TPM4: variants seen among roughly 807,000 people sequenced by gnomAD.
TPM4 encodes tropomyosin alpha-4 chain.
In TPM4, 17 loss-of-function variants were observed where a neutral mutation model predicts 35.8. The ratio of observed to expected loss-of-function variants is 0.47; its 90% CI spans 0.32 to 0.71. The LOEUF is 0.71. Among genes scored for constraint, TPM4 ranks in the 30% least tolerant of loss-of-function variants. The pLI, the probability that TPM4 is intolerant of heterozygous loss-of-function variation, is 0.03. For missense variants in TPM4, 240 were observed against 320.9 expected (o/e 0.75, Z 1.93); for synonymous variants, 120 against 122.9 (o/e 0.98, Z 0.15).
intron 1 of TPM4, chr19:16,081,224 T>G (rs867014068): frequency 7.6e-6 from 3 of 395,376 alleles, no homozygotes; most frequent in African/African-American, 2.1e-5. Flanking sequence ...GCCCTAGAAC[T>G]CTCTACGTGG....
In TPM4 at chr19:16,082,009, C is replaced by G. The variant is rs1391826018; in HGVS notation, c.229C>G (p.Leu77Val). Reference protein sequence around the residue: ...QERLATALQKLEEAEKAADES... With the variant: ...QERLATALQKVEEAEKAADES... Reference sequence around the variant, plus strand: ...ACGACTGGCCACGGCCCTGCAGAAGCTGGAGGAGGCAGAAAAAGCTGCAGA... The same window carrying G: ...ACGACTGGCCACGGCCCTGCAGAAGGTGGAGGAGGCAGAAAAAGCTGCAGA... The change falls in exon 2 of 8, where the codon CTG becomes GTG. Residue 77 changes from leucine to valine, a missense_variant. By Grantham distance (32) the Leu-to-Val change is conservative. Transcript: ENST00000643579. The G allele has an allele frequency of 6.2e-7, 1 of 1,610,212 alleles. No individual in the cohort carries two copies. The highest frequency in any genetic ancestry group is 1.7e-5 in the Admixed American group (1 of 59,946).
upstream of TPM4, chr19:16,076,409 C>T (rs2090405720): frequency 7.3e-7 from 1 of 1,362,346 alleles, no homozygotes; most frequent in Non-Finnish European, 9.4e-7. Flanking sequence ...GTGACCTCAT[C>T]GCCCCGACGG....
intron 7 of TPM4, among the ~76,000 whole-genome samples, chr19:16,096,356 G>A (rs1335033322): frequency 6.6e-6 from 1 of 152,176 alleles, no homozygotes; most frequent in Non-Finnish European, 1.5e-5. Flanking sequence ...ATGAGCCACC[G>A]CGCCCATCCC....
rs1273071049 is a variant in TPM4, at chr19:16,067,860, G to C, written c.114+122G>C. Reference sequence around the variant, plus strand: ...CGGGAGGATAGGAGGCTGATGCTTTGGCGGAGGAAGAGCGAGGGGACCATT... The same window carrying C: ...CGGGAGGATAGGAGGCTGATGCTTTCGCGGAGGAAGAGCGAGGGGACCATT... On this transcript the variant is annotated intron_variant, in intron 2 of 2. Transcript: ENST00000589897. The surrounding 1 kb of genome is among the most constrained non-coding windows in gnomAD (Gnocchi z 4.1). 16 of 910,264 alleles carry C rather than the reference G, an allele frequency of 1.8e-5. No homozygotes were observed. Among genetic ancestry groups the C allele is most frequent in the Admixed American group, 3.1e-5 (1 of 31,914 alleles). 56.4% of individuals were successfully genotyped at this position (910,264 alleles called of 1,614,324 possible).
intron 1 of TPM4, among the ~76,000 whole-genome samples, chr19:16,079,263 A>T (rs2090451970): frequency 6.6e-6 from 1 of 152,150 alleles, no homozygotes; most frequent in Non-Finnish European, 1.5e-5. Flanking sequence ...TTTAAAATCA[A>T]TTCCTCGACT....
chr19:16,096,936 CTTTTTTTTT>C (rs71178641), intron 7 of TPM4, among the ~76,000 whole-genome samples: 7,233 of 68,106 alleles, frequency 0.11, 216 homozygotes, highest in Non-Finnish European at 0.14. Flanking sequence ...CAAGGTCACT[CTTTTTTTTT>C]TTTTTTTTTT....
chr19:16,094,570 G>T (rs997256816), intron 7 of TPM4, among the ~76,000 whole-genome samples: 3 of 151,198 alleles, frequency 2.0e-5, no homozygotes, highest in African/African-American at 7.3e-5. Context: ...CCTTCTGTTT[G>T]CTCATTTCTG....
At chr19:16,097,794 T>G (rs2090718150) in intron 7 of TPM4, among the ~76,000 whole-genome samples, 2 of 152,022 alleles carry the variant, frequency 1.3e-5, no homozygotes, top group South Asian at 2.1e-4. Flanking sequence ...CCATTGTTAT[T>G]CCTCATCCTA....
upstream of TPM4, chr19:16,076,008 C>CA (rs756516589): frequency 5.0e-6 from 8 of 1,586,782 alleles, no homozygotes; most frequent in Non-Finnish European, 1.7e-6. Flanking sequence ...ACGTGACCCC[C>CA]CCCCCAGGCT....
At chr19:16,080,741 AG>A (rs2090472758) in intron 1 of TPM4, 4 of 293,998 alleles carry the variant, frequency 1.4e-5, no homozygotes, top group Non-Finnish European at 1.9e-5. Flanking sequence ...CCCGGGAGGT[AG>A]AAGTTGCAGC....
intron 5 of TPM4, among the ~76,000 whole-genome samples, chr19:16,091,011 G>A (rs993796261): frequency 1.3e-4 from 19 of 151,832 alleles, no homozygotes; most frequent in African/African-American, 2.4e-4. Flanking sequence ...ACACTGCCCC[G>A]GGCCAGGGGG....
chr19:16,085,112 G>T (rs1181389459), intron 2 of TPM4, among the ~76,000 whole-genome samples: 3 of 152,010 alleles, frequency 2.0e-5, no homozygotes, highest in Non-Finnish European at 4.4e-5. Flanking sequence ...AATTAGCCAG[G>T]CATGGTAGTG....
intron 1 of TPM4, 114 bp downstream of exon 1, chr19:16,076,811 C>A: frequency 7.9e-7 from 1 of 1,259,994 alleles, no homozygotes; most frequent in African/African-American, 1.6e-5. Flanking sequence ...CGCCTTTTTA[C>A]GCCCTCGGAC....
chr19:16,094,251 A>C (rs1370694696), intron 7 of TPM4, among the ~76,000 whole-genome samples: 1 of 152,034 alleles, frequency 6.6e-6, no homozygotes, highest in African/African-American at 2.4e-5. Flanking sequence ...TAAAAATCTC[A>C]GGCCAGGCGC....
chr19:16,071,120 A>G (rs1387225988), intron 2 of TPM4, among the ~76,000 whole-genome samples: 1 of 152,216 alleles, frequency 6.6e-6, no homozygotes, highest in Non-Finnish European at 1.5e-5. Context: ...CTTGGGCTCA[A>G]AGCAAGTCTA....
intron 4 of TPM4, chr19:16,088,623 G>A (rs1324110817): frequency 3.9e-6 from 4 of 1,034,320 alleles, no homozygotes; most frequent in Non-Finnish European, 4.7e-6. Context: ...AGTGCTGAGA[G>A]AGATCTGGTT....
At chr19:16,089,669 T>C (rs1198904467) in intron 5 of TPM4, among the ~76,000 whole-genome samples, 111 of 42,856 alleles carry the variant, frequency 2.6e-3, no homozygotes, top group Middle Eastern at 0.031. Flanking sequence ...CACCCCCCAC[T>C]TTTTTTTTTT....
At chr19:16,084,494 T>C (rs1014289368) in intron 2 of TPM4, among the ~76,000 whole-genome samples, 4 of 152,218 alleles carry the variant, frequency 2.6e-5, no homozygotes, top group Non-Finnish European at 5.9e-5. Context: ...CAGACCAGCC[T>C]GGCTGGATGC....
Position 16,088,986 on chromosome 19 carries a change from T to C in TPM4, c.456-59T>C. ...TTGGAAAATTTATTGTTGGGGCGAT[T>C]GCTATTATTGCCGGCTGTAAGGGAA... is the stretch of plus-strand genomic sequence containing the variant. On this transcript the variant is annotated intron_variant, in intron 4 of 7. Coordinates refer to ENST00000643579, the MANE Select transcript of TPM4 (RefSeq NM_003290.3). 6.8e-6 allele frequency: 11 copies of C among 1,609,706 alleles called. No homozygotes were observed. In the South Asian group the frequency reaches 1.2e-4, roughly 18 times the overall value.
Sources: allele counts gnomAD v4.1 joint callset (sites outside exome capture counted in the v4.1 genomes callset), GRCh38; gene constraint gnomAD v4.1.1; non-coding constraint Gnocchi (gnomAD v3.1); transcripts MANE v1.5; gene names NCBI Gene and HGNC (gene_info 2026-07-23, HGNC 2026-07-21).